UBR4: variants seen among roughly 807,000 people sequenced by gnomAD.
The protein encoded by UBR4 is E3 ubiquitin-protein ligase UBR4.
UBR4 carries 124 observed loss-of-function variants against 575.6 expected under a neutral mutation model. The ratio of observed to expected loss-of-function variants is 0.22; its 90% CI spans 0.19 to 0.25. The LOEUF (loss-of-function observed/expected upper bound fraction) is 0.25, where lower values mean the gene tolerates loss of function less well. UBR4 is among the 10% of genes least tolerant of loss of function. UBR4 has a pLI of 1.00. For missense variants in UBR4, 4,818 were observed against 6,478.8 expected (o/e 0.74, Z 8.80); for synonymous variants, 2,455 against 2,473.7 (o/e 0.99, Z 0.22).
At chr1:19,167,642 A>C (rs1187080677) in intron 28 of UBR4, among the ~76,000 whole-genome samples, 1 of 152,228 alleles carries the variant, frequency 6.6e-6, no homozygotes, top group African/African-American at 2.4e-5. Flanking sequence ...TATGTATAAG[A>C]AGACAATAGT....
intron 49 of UBR4, among the ~76,000 whole-genome samples, 167 bp from the exon 50 acceptor site, chr1:19,148,793 C>T (rs556036101): frequency 1.3e-5 from 2 of 152,338 alleles, no homozygotes; most frequent in South Asian, 4.1e-4. Context: ...TCGTTTCCTA[C>T]GTTACAGGCC....
At chr1:19,098,619 C>T (rs1338775436) in intron 90 of UBR4, among the ~76,000 whole-genome samples, 1 of 152,184 alleles carries the variant, frequency 6.6e-6, no homozygotes, top group Admixed American at 6.5e-5. Flanking sequence ...AGTTCTCTGC[C>T]TGTCCCTCAG....
chr1:19,192,616 C>A (rs1040242914), intron 9 of UBR4, 76 bp from the exon 10 acceptor site: 1 of 1,518,330 alleles, frequency 6.6e-7, no homozygotes, highest in African/African-American at 1.4e-5. Context: ...CCTACCCAAA[C>A]AATTTAACTT....
Position 19,092,693 on chromosome 1 carries a change from G to T in UBR4, c.14211+126C>A. On this transcript the variant is annotated intron_variant, in intron 97 of 105. Coordinates refer to ENST00000375254, the MANE Select transcript of UBR4 (RefSeq NM_020765.3). ...TCTCTCAGCACACATAGATGAAGTA[G>T]ATGACTTCTGAGGCTCACTTCTACT... 4.3e-6 allele frequency: 3 copies of T among 697,366 alleles called. No individual in the cohort carries two copies. In the South Asian group the frequency reaches 7.6e-5, roughly 18 times the overall value. 43.2% of individuals were successfully genotyped at this position (697,366 alleles called of 1,614,324 possible).
intron 61 of UBR4, among the ~76,000 whole-genome samples, 172 bp downstream of exon 61, chr1:19,128,806 C>T (rs1351374626): frequency 2.0e-5 from 3 of 152,174 alleles, no homozygotes; most frequent in Admixed American, 6.5e-5. Flanking sequence ...TGACCCTTAG[C>T]TTTCTCATTT....
intron 1 of UBR4, 116 bp from the exon 2 acceptor site, chr1:19,201,931 C>A: frequency 1.2e-6 from 1 of 842,538 alleles, no homozygotes; most frequent in Non-Finnish European, 1.8e-6. Flanking sequence ...GTATCATCAA[C>A]CTATTCCCCT....
intron 25 of UBR4, among the ~76,000 whole-genome samples, chr1:19,171,155 C>G (rs2089469966): frequency 6.6e-6 from 1 of 152,152 alleles, no homozygotes; most frequent in African/African-American, 2.4e-5. Flanking sequence ...TTCCCCACCT[C>G]AGAAGATTGA....
intron 50 of UBR4, 67 bp downstream of exon 50, chr1:19,148,496 C>G: frequency 6.3e-7 from 1 of 1,592,950 alleles, no homozygotes; most frequent in Non-Finnish European, 8.6e-7. Context: ...GCCTCAGGGC[C>G]TCGGGCAACT....
At chr1:19,075,821 CGT>C (rs1312824235) in intron 105 of UBR4, among the ~76,000 whole-genome samples, 1 of 152,230 alleles carries the variant, frequency 6.6e-6, no homozygotes, top group African/African-American at 2.4e-5. Context: ...TTAGCAGAGG[CGT>C]TCTCCTAACA....
chr1:19,148,668 C>G, intron 49 of UBR4, 42 bp from the exon 50 acceptor site: 2 of 1,610,232 alleles, frequency 1.2e-6, no homozygotes, highest in Non-Finnish European at 1.7e-6. Context: ...ACACCGTTCT[C>G]TCCGCCTTGC....
chr1:19,128,155 T>G, intron 62 of UBR4, 56 bp downstream of exon 62: 1 of 1,532,450 alleles, frequency 6.5e-7, no homozygotes. Context: ...AATGGGAACC[T>G]GAGAAAGGAT....
Position 19,174,458 on chromosome 1 carries a change from G to A in UBR4, c.2854-11C>T, listed in dbSNP as rs916172554. The A allele has an allele frequency of 1.9e-6, 3 of 1,605,156 alleles. No individual in the cohort carries two copies. Among genetic ancestry groups the A allele is most frequent in the Non-Finnish European group, 2.5e-6 (3 of 1,179,598 alleles). Reference sequence around the variant, plus strand: ...AAGGACGTCACATGCCTGACATCAAGAAAGAAAGAGAGTCATTTCCTTACT... The same window carrying A: ...AAGGACGTCACATGCCTGACATCAAAAAAGAAAGAGAGTCATTTCCTTACT... On this transcript the variant is annotated splice_polypyrimidine_tract_variant and intron_variant, in intron 21 of 105. Coordinates refer to ENST00000375254, the MANE Select transcript of UBR4 (RefSeq NM_020765.3).
Position 19,105,153 on chromosome 1 carries a change from T to G in UBR4, c.12540A>C (p.Ala4180=). 2 of 1,614,104 alleles carry G rather than the reference T, an allele frequency of 1.2e-6. No homozygotes were observed. The highest frequency in any genetic ancestry group is 1.7e-6 in the Non-Finnish European group (2 of 1,179,998). ...TCTGGTAGAGAGCCAGGTACTCAGC[T>G]GCACACTCCCCAGCTATGCTCAGCT... ...LDELSIAGEC[A]AEYLALYQKL... The change falls in exon 85 of 106, where the codon GCA becomes GCC. Residue 4180 remains alanine (A), a synonymous_variant. Transcript: ENST00000375254.
chr1:19,111,874 C>A (rs1388642171), intron 78 of UBR4: 1 of 152,192 alleles, frequency 6.6e-6, no homozygotes, highest in Non-Finnish European at 1.5e-5. Flanking sequence ...CCCGCCTTGG[C>A]CTGCCAAAGT....
chr1:19,094,058 G>T lies in UBR4; in HGVS notation c.13828C>A (p.Pro4610Thr), dbSNP rs761960636. ...CGAAGCAGGCCCTGGAGCACACTGG[G>T]GTTGGAGCGAACAAAGGTGCTGTTG... ...QINSTFVRSNPSVLQGLLRII... is the reference protein window; with the variant it reads ...QINSTFVRSNTSVLQGLLRII... The change falls in exon 95 of 106, where the codon CCC becomes ACC. Residue 4610 changes from proline to threonine, a missense_variant. Pro to Thr is a conservative substitution (Grantham distance 38). Transcript: ENST00000375254. 1.9e-5 allele frequency: 31 copies of T among 1,613,974 alleles called. No individual in the cohort carries two copies. The highest frequency in any genetic ancestry group is 1.6e-4 in the Middle Eastern group (1 of 6,084).
chr1:19,200,439 C>A (rs1243915598), intron 2 of UBR4, among the ~76,000 whole-genome samples: 4 of 151,954 alleles, frequency 2.6e-5, no homozygotes, highest in African/African-American at 9.7e-5. Context: ...AAATGACGTC[C>A]TGGTCAGGCA....
chr1:19,153,757 C>G lies in UBR4; in HGVS notation c.6630+11G>C. 5 of 1,611,146 alleles carry G rather than the reference C, an allele frequency of 3.1e-6. No individual in the cohort carries two copies. In the South Asian group the frequency reaches 4.4e-5, roughly 14 times the overall value. On this transcript the variant is annotated intron_variant, in intron 45 of 105. Transcript: ENST00000375254. The surrounding 1 kb of genome is among the most constrained non-coding windows in gnomAD (Gnocchi z 4.1). ...ACAGCAAAGTAATGAATGGGAAAAT[C>G]TGGCACTGACCTTCGCTTTAGCAGG... is the stretch of plus-strand genomic sequence containing the variant.
chr1:19,158,810 T>C (rs1321589639), intron 39 of UBR4, among the ~76,000 whole-genome samples: 1 of 152,100 alleles, frequency 6.6e-6, no homozygotes, highest in African/African-American at 2.4e-5. Flanking sequence ...TATGGGTATG[T>C]ATGTGTATAT....
chr1:19,105,934 G>A (rs2079141814), intron 83 of UBR4, 92 bp from the exon 84 acceptor site: 2 of 898,980 alleles, frequency 2.2e-6, no homozygotes, highest in African/African-American at 1.7e-5. Flanking sequence ...ACCCATCTAG[G>A]AGAGGTCTTC....
Sources: gnomAD v4.1 joint callset for allele counts (sites outside exome capture counted in the v4.1 genomes callset) on GRCh38, gnomAD v4.1.1 for gene constraint, Gnocchi (gnomAD v3.1) non-coding constraint, MANE v1.5 for transcripts, NCBI Gene and HGNC (gene_info 2026-07-23, HGNC 2026-07-21) for gene names.